BICC1: variants seen among roughly 807,000 people sequenced by gnomAD.
BICC1 encodes the protein protein bicaudal C homolog 1.
BICC1 carries 43 observed loss-of-function variants against 111.0 expected under a neutral mutation model. That is an observed-to-expected ratio of 0.39 (90% confidence interval 0.30 to 0.50). The LOEUF (loss-of-function observed/expected upper bound fraction) is 0.50. BICC1 is among the 20% of genes least tolerant of loss of function. The pLI is 0.88. For synonymous variants in BICC1, 467 were observed against 434.4 expected (o/e 1.07, Z -0.93); for missense variants, 1,091 against 1,203.2 (o/e 0.91, Z 1.38).
At chr10:58,642,107 T>C (rs1838140969) in intron 2 of BICC1, among the ~76,000 whole-genome samples, 1 of 152,234 alleles carries the variant, frequency 6.6e-6, no homozygotes. Context: ...TTTAAGTGAA[T>C]AGTAAATAGT....
At chr10:58,674,381 G>A (rs961548298) in intron 2 of BICC1, among the ~76,000 whole-genome samples, 1 of 152,128 alleles carries the variant, frequency 6.6e-6, no homozygotes, top group African/African-American at 2.4e-5. Flanking sequence ...GTGAAGGGGT[G>A]TTAGTGAATG....
intron 9 of BICC1, 120 bp downstream of exon 9, chr10:58,793,735 TC>T: frequency 9.1e-7 from 1 of 1,100,910 alleles, no homozygotes; most frequent in Non-Finnish European, 1.3e-6. Context: ...AGGTTGAATA[TC>T]CCCAATCCGG....
At chr10:58,752,071 A>G (rs1251093624) in intron 3 of BICC1, among the ~76,000 whole-genome samples, 5 of 152,148 alleles carry the variant, frequency 3.3e-5, no homozygotes, top group Admixed American at 3.3e-4. Flanking sequence ...ATAAAATTGG[A>G]TGTTGTATGC....
chr10:58,801,304 C>T (rs534719819), intron 14 of BICC1, among the ~76,000 whole-genome samples: 123 of 152,280 alleles, frequency 8.1e-4, no homozygotes, highest in Non-Finnish European at 1.7e-3. Flanking sequence ...TACTCTGAAA[C>T]TGTAGCATTC....
chr10:58,712,765 A>G (rs527431418), intron 3 of BICC1, among the ~76,000 whole-genome samples: 1 of 152,298 alleles, frequency 6.6e-6, no homozygotes, highest in African/African-American at 2.4e-5. Context: ...TGTATGATTT[A>G]CAATGGTGAC....
intron 1 of BICC1, among the ~76,000 whole-genome samples, chr10:58,603,848 T>G (rs1845122048): frequency 6.6e-6 from 1 of 152,180 alleles, no homozygotes; most frequent in Non-Finnish European, 1.5e-5. Context: ...AATAGAAAAG[T>G]GGGCAACTAG....
At chr10:58,609,986 G>A (rs1003015783) in intron 1 of BICC1, among the ~76,000 whole-genome samples, 4 of 152,166 alleles carry the variant, frequency 2.6e-5, no homozygotes, top group African/African-American at 9.6e-5. Flanking sequence ...GCAAGGCATT[G>A]GACATGACCA....
chr10:58,736,590 A>AT (rs1841476110), intron 3 of BICC1, among the ~76,000 whole-genome samples: 1 of 152,214 alleles, frequency 6.6e-6, no homozygotes, highest in Admixed American at 6.5e-5. Flanking sequence ...AAACACTGTA[A>AT]TGCCGTCTTT....
intron 1 of BICC1, among the ~76,000 whole-genome samples, chr10:58,612,975 A>C (rs1417718518): frequency 6.6e-6 from 1 of 152,128 alleles, no homozygotes; most frequent in Non-Finnish European, 1.5e-5. Context: ...GGATTGTAAT[A>C]GTTTACACCT....
At chr10:58,764,942 A>T (rs981342209) in intron 3 of BICC1, among the ~76,000 whole-genome samples, 3 of 152,212 alleles carry the variant, frequency 2.0e-5, no homozygotes, top group Non-Finnish European at 4.4e-5. Flanking sequence ...TTTGAATCTA[A>T]GAGCTTGTAT....
chr10:58,566,224 G>A (rs1486854386), intron 1 of BICC1, among the ~76,000 whole-genome samples: 1 of 150,336 alleles, frequency 6.7e-6, no homozygotes, highest in Non-Finnish European at 1.5e-5. Context: ...TTGCATATGT[G>A]TATATCTATA....
Position 58,789,738 on chromosome 10 carries a change from T to C in BICC1, c.852T>C (p.Pro284=), listed in dbSNP as rs747510421. The part of the protein sequence containing the change: ...HLAGSLASAI[P]VSTQLDIAAQ... ...CTGGGAGCTTAGCATCAGCTATTCCTGTGAGCACACAACTAGATATTGCAG... is the reference window on the plus strand; with the variant it reads ...CTGGGAGCTTAGCATCAGCTATTCCCGTGAGCACACAACTAGATATTGCAG... The change falls in exon 8 of 21, where the codon CCT becomes CCC. Residue 284 remains proline, a synonymous_variant. Coordinates refer to ENST00000373886, the MANE Select transcript of BICC1 (RefSeq NM_001080512.3). The C allele has an allele frequency of 2.5e-6, 4 of 1,614,116 alleles. No homozygotes were observed. Among genetic ancestry groups the C allele is most frequent in the East Asian group, 4.5e-5 (2 of 44,882 alleles).
chr10:58,585,092 A>C (rs1167507926), intron 1 of BICC1, among the ~76,000 whole-genome samples: 1 of 152,200 alleles, frequency 6.6e-6, no homozygotes, highest in African/African-American at 2.4e-5. Context: ...AGCAGAATTC[A>C]GTTGACTTAA....
chr10:58,814,322 C>T (rs1163807496), intron 18 of BICC1: 1 of 585,960 alleles, frequency 1.7e-6, no homozygotes, highest in African/African-American at 1.9e-5. Context: ...GTCCATGTGT[C>T]AAGTATTCTG....
At position 58,788,357 on chromosome 10, in the gene BICC1, C is replaced by T; in HGVS notation, c.547-13C>T. On this transcript the variant is annotated splice_polypyrimidine_tract_variant and intron_variant, in intron 5 of 20. Coordinates refer to ENST00000373886, the MANE Select transcript of BICC1 (RefSeq NM_001080512.3). ...TAAAATAAATCTAACTTTGTATTTT[C>T]CTCCTCTTATAGGTATCTATAGCGG... is the stretch of plus-strand genomic sequence containing the variant. 6.3e-7 allele frequency: 1 copy of T among 1,590,614 alleles called. No homozygotes were observed. The highest frequency in any genetic ancestry group is 1.1e-5 in the South Asian group (1 of 89,510).
chr10:58,612,599 TAA>T (rs34066134), intron 1 of BICC1, among the ~76,000 whole-genome samples: 4,974 of 145,184 alleles, frequency 0.034, 76 homozygotes, highest in Middle Eastern at 0.061. Flanking sequence ...TGAGTTGTGT[TAA>T]AAAAAAAAAA....
chr10:58,686,438 T>G (rs1163700970), intron 2 of BICC1, among the ~76,000 whole-genome samples: 1 of 152,216 alleles, frequency 6.6e-6, no homozygotes, highest in Non-Finnish European at 1.5e-5. Flanking sequence ...GAAATTTCCC[T>G]GGATAATATC....
chr10:58,758,965 ATT>A (rs1842224845), intron 3 of BICC1, among the ~76,000 whole-genome samples: 12 of 149,964 alleles, frequency 8.0e-5, no homozygotes, highest in African/African-American at 3.0e-4. Flanking sequence ...TTATTTATTT[ATT>A]TATTTATTTT....
chr10:58,598,039 T>A (rs1444830107), intron 1 of BICC1, among the ~76,000 whole-genome samples: 1 of 152,150 alleles, frequency 6.6e-6, no homozygotes. Context: ...AAGACAGCCA[T>A]AAGAATTACA....
Sources: gnomAD v4.1 joint callset for allele counts (sites outside exome capture counted in the v4.1 genomes callset) on GRCh38, gnomAD v4.1.1 for gene constraint, MANE v1.5 for transcripts, NCBI Gene and HGNC (gene_info 2026-07-23, HGNC 2026-07-21) for gene names.